Variants in MTUS2 observed in about 807,000 individuals in gnomAD.
MTUS2 encodes microtubule associated scaffold protein 2.
Under a neutral mutation model 114.1 loss-of-function variants are expected in MTUS2, and 40 were observed. The ratio of observed to expected loss-of-function variants is 0.35; its 90% confidence interval spans 0.27 to 0.46. MTUS2 has a LOEUF of 0.46. Among genes scored for constraint, MTUS2 ranks in the 20% least tolerant of loss-of-function variants. MTUS2 has a pLI of 1.00. For synonymous variants in MTUS2, 688 were observed against 672.0 expected (o/e 1.02, Z -0.37); for missense variants, 1,679 against 1,705.4 (o/e 0.98, Z 0.27).
chr13:29,068,413 G>A (rs915925857), intron 4 of MTUS2, among the ~76,000 whole-genome samples: 1 of 151,612 alleles, frequency 6.6e-6, no homozygotes, highest in African/African-American at 2.4e-5. Flanking sequence ...AGTGGCTCTG[G>A]AGTGTGAAGC....
At chr13:29,173,340 T>G (rs1399585056) in intron 5 of MTUS2, among the ~76,000 whole-genome samples, 1 of 152,170 alleles carries the variant, frequency 6.6e-6, no homozygotes, top group African/African-American at 2.4e-5. Context: ...CTCCAATCAC[T>G]TGTTTCGATT....
intron 5 of MTUS2, among the ~76,000 whole-genome samples, chr13:29,171,934 G>A (rs1351286131): frequency 6.6e-6 from 1 of 152,192 alleles, no homozygotes; most frequent in Non-Finnish European, 1.5e-5. Context: ...CGTCTCCTGA[G>A]TCAGAACTTA....
At chr13:29,466,159 A>G (rs1879868576) in intron 9 of MTUS2, among the ~76,000 whole-genome samples, 1 of 152,278 alleles carries the variant, frequency 6.6e-6, no homozygotes, top group South Asian at 2.1e-4. Flanking sequence ...AGGACTCTGC[A>G]GGAAGGTATC....
chr13:28,857,563 T>C (rs1296267778), intron 2 of MTUS2, among the ~76,000 whole-genome samples: 1 of 152,098 alleles, frequency 6.6e-6, no homozygotes, highest in Non-Finnish European at 1.5e-5. Context: ...AAATAGATAA[T>C]TAATGGTTTT....
intron 5 of MTUS2, among the ~76,000 whole-genome samples, chr13:29,170,577 C>G (rs1893515443): frequency 6.6e-6 from 1 of 152,236 alleles, no homozygotes; most frequent in South Asian, 2.1e-4. Flanking sequence ...AAACTGAATA[C>G]AGATGTTAGT....
intron 8 of MTUS2, among the ~76,000 whole-genome samples, chr13:29,433,073 C>T (rs893996346): frequency 6.6e-5 from 10 of 152,214 alleles, no homozygotes; most frequent in Non-Finnish European, 1.5e-4. Flanking sequence ...ACCAGAATTT[C>T]CCAGCATGAC....
chr13:28,826,606 A>G (rs73452657), intron 1 of MTUS2, among the ~76,000 whole-genome samples: 1,980 of 152,326 alleles, frequency 0.013, 44 homozygotes, highest in African/African-American at 0.045. Flanking sequence ...AGTATTGATG[A>G]TGGCCTGATA....
intron 9 of MTUS2, among the ~76,000 whole-genome samples, chr13:29,461,694 C>T (rs531993248): frequency 5.3e-5 from 8 of 152,266 alleles, no homozygotes; most frequent in Non-Finnish European, 1.0e-4. Context: ...GCAGAAACCA[C>T]ACCAGATATT....
intron 4 of MTUS2, among the ~76,000 whole-genome samples, chr13:29,097,241 T>G (rs1024313086): frequency 1.4e-4 from 21 of 152,224 alleles, no homozygotes; most frequent in Non-Finnish European, 2.4e-4. Context: ...TTAGTAGAGT[T>G]TCTTATATAA....
chr13:28,869,424 A>T (rs943314279), intron 2 of MTUS2, among the ~76,000 whole-genome samples: 1 of 152,244 alleles, frequency 6.6e-6, no homozygotes, highest in African/African-American at 2.4e-5. Context: ...ATCAGTTATT[A>T]TTATGAAGAA....
intron 2 of MTUS2, among the ~76,000 whole-genome samples, chr13:28,944,459 T>A (rs1348944970): frequency 6.6e-6 from 1 of 152,206 alleles, no homozygotes; most frequent in Non-Finnish European, 1.5e-5. Context: ...GTATAGATAT[T>A]ACAGAGTGCT....
chr13:29,111,315 A>G (rs774282437), intron 5 of MTUS2, among the ~76,000 whole-genome samples: 2 of 152,210 alleles, frequency 1.3e-5, no homozygotes, highest in Non-Finnish European at 2.9e-5. Context: ...AACAGAGAAC[A>G]GTGCAAAGGT....
At chr13:29,334,764 G>A (rs1174239440) in intron 7 of MTUS2, among the ~76,000 whole-genome samples, 2 of 152,162 alleles carry the variant, frequency 1.3e-5, no homozygotes, top group African/African-American at 2.4e-5. Context: ...TGGGAAGTCA[G>A]GGACCCCGAA....
intron 5 of MTUS2, among the ~76,000 whole-genome samples, chr13:29,229,202 C>T (rs1896229494): frequency 6.6e-6 from 1 of 152,004 alleles, no homozygotes; most frequent in African/African-American, 2.4e-5. Flanking sequence ...TGCAGTAATT[C>T]TTGGTTGTTT....
At chr13:28,872,903 C>G (rs1378497778) in intron 2 of MTUS2, among the ~76,000 whole-genome samples, 1 of 152,106 alleles carries the variant, frequency 6.6e-6, no homozygotes, top group African/African-American at 2.4e-5. Context: ...TTTTCCAAAT[C>G]TGATGAAAGA....
At chr13:28,965,258 A>G (rs1302050074) in intron 2 of MTUS2, among the ~76,000 whole-genome samples, 1 of 152,184 alleles carries the variant, frequency 6.6e-6, no homozygotes, top group Non-Finnish European at 1.5e-5. Context: ...CCCATTCAAC[A>G]CAAGGGGAAA....
rs764928143 is a variant in MTUS2, at chr13:29,026,724, A to G, written c.2026A>G (p.Met676Val). ...TCCATATGCCCCGCCCACATGTACC[A>G]TGCCTCTTCCCCACGAAGAGAAGGC... Reference protein sequence around the residue: ...GLPYAPPTCTMPLPHEEKAAG... With the variant: ...GLPYAPPTCTVPLPHEEKAAG... The change falls in exon 3 of 16, where the codon ATG becomes GTG. Residue 676 changes from methionine to valine, a missense_variant. Physicochemically the swap from Met to Val is conservative, Grantham distance 21. This residue lies in a region of MTUS2 where 822 missense variants were observed against 899.7 expected (regional missense o/e 0.91). Coordinates refer to ENST00000612955, the MANE Select transcript of MTUS2 (RefSeq NM_001033602.4). The G allele has an allele frequency of 7.4e-6, 12 of 1,613,840 alleles. No homozygotes were observed. Among genetic ancestry groups the G allele is most frequent in the South Asian group, 4.4e-5 (4 of 91,074 alleles).
At chr13:29,007,838 G>T (rs114664233) in intron 2 of MTUS2, among the ~76,000 whole-genome samples, 1 of 152,096 alleles carries the variant, frequency 6.6e-6, no homozygotes, top group Non-Finnish European at 1.5e-5. Flanking sequence ...TATCCATAAG[G>T]CTTCTGCTCA....
intron 2 of MTUS2, among the ~76,000 whole-genome samples, chr13:28,973,668 T>C (rs9550427): frequency 0.23 from 35,603 of 152,166 alleles, 4,483 homozygotes; most frequent in East Asian, 0.47. Flanking sequence ...AGGCTAAGAA[T>C]AAGTCAGTTC....
Sources: allele counts gnomAD v4.1 joint callset (sites outside exome capture counted in the v4.1 genomes callset), GRCh38; gene constraint gnomAD v4.1.1; regional missense constraint gnomAD v4.1.1; transcripts MANE v1.5; gene names NCBI Gene and HGNC (gene_info 2026-07-23, HGNC 2026-07-21).